ZFHX3: variants seen among roughly 807,000 people sequenced by gnomAD.
ZFHX3 encodes zinc finger homeobox protein 3.
In ZFHX3, 42 loss-of-function variants were observed where a neutral mutation model predicts 279.1. The ratio of observed to expected loss-of-function variants is 0.15; its 90% CI spans 0.12 to 0.19. The LOEUF is 0.19. Among genes scored for constraint, ZFHX3 ranks in the 10% least tolerant of loss-of-function variants. The pLI, the probability that ZFHX3 is intolerant of heterozygous loss-of-function variation, is 1.00. For synonymous variants in ZFHX3, 2,293 were observed against 1,957.8 expected (o/e 1.17, Z -4.52); for missense variants, 4,981 against 4,754.0 (o/e 1.05, Z -1.40).
At position 72,796,492 on chromosome 16, in the gene ZFHX3, T is replaced by C. The variant is rs757925127; in HGVS notation, c.6190A>G (p.Ile2064Val). ...APPQPASTPA[I>V]PASAPPITSP... is the part of the protein sequence containing the mutation. Reference sequence around the variant, plus strand: ...GTGATGGGTGGGGCTGATGCGGGGATGGCTGGTGTGGACGCCGGCTGAGGC... The same window carrying C: ...GTGATGGGTGGGGCTGATGCGGGGACGGCTGGTGTGGACGCCGGCTGAGGC... Residue 2064 changes from isoleucine (I) to valine (V), a missense_variant, in exon 9 of 10, where the codon ATC becomes GTC. Physicochemically the swap from Ile to Val is conservative, Grantham distance 29. Around this residue, in one of 7 missense-constraint regions of ZFHX3, gnomAD observed 1,751 missense variants for 1,770.0 expected, o/e 0.99. Coordinates refer to ENST00000268489, the MANE Select transcript of ZFHX3 (RefSeq NM_006885.4). 10 of 1,288,494 alleles carry C rather than the reference T, an allele frequency of 7.8e-6. No individual in the cohort carries two copies. In the Admixed American group the frequency reaches 1.8e-4, roughly 23 times the overall value. 79.8% of individuals were successfully genotyped at this position (1,288,494 alleles called of 1,614,324 possible).
chr16:73,742,743 T>C (rs2142261584), intron 1 of ZFHX3, among the ~76,000 whole-genome samples: 1 of 152,286 alleles, frequency 6.6e-6, no homozygotes, highest in East Asian at 1.9e-4. Flanking sequence ...AGGGTTCCCC[T>C]TTTTTCTACA....
intron 3 of ZFHX3, among the ~76,000 whole-genome samples, chr16:73,396,994 C>T (rs1270337258): frequency 1.3e-5 from 2 of 152,204 alleles, no homozygotes; most frequent in Non-Finnish European, 2.9e-5. Flanking sequence ...TGGCAATGCC[C>T]CCTGCAGTGT....
intron 1 of ZFHX3, among the ~76,000 whole-genome samples, chr16:73,729,859 T>C (rs1484907211): frequency 6.6e-6 from 1 of 152,194 alleles, no homozygotes; most frequent in Non-Finnish European, 1.5e-5. Flanking sequence ...CTTGCTTCCA[T>C]GTGTAATCTA....
chr16:73,476,091 T>TA (rs1206295589), intron 2 of ZFHX3, among the ~76,000 whole-genome samples: 26 of 152,314 alleles, frequency 1.7e-4, no homozygotes, highest in African/African-American at 5.8e-4. Context: ...TTCTTTCTGT[T>TA]ATAGGGATAA....
At chr16:73,427,360 G>C (rs545447487) in intron 3 of ZFHX3, among the ~76,000 whole-genome samples, 2 of 152,128 alleles carry the variant, frequency 1.3e-5, no homozygotes, top group African/African-American at 4.8e-5. Flanking sequence ...GTGGGGATTT[G>C]CTAGGAGGTG....
intron 4 of ZFHX3, among the ~76,000 whole-genome samples, chr16:73,304,315 G>A (rs1646216093): frequency 6.6e-6 from 1 of 152,160 alleles, no homozygotes. Context: ...CCTTCCTCTG[G>A]GTGACTTTGG....
At chr16:73,703,214 T>A (rs2053268239) in intron 1 of ZFHX3, among the ~76,000 whole-genome samples, 1 of 152,084 alleles carries the variant, frequency 6.6e-6, no homozygotes, top group South Asian at 2.1e-4. Flanking sequence ...TCGTTTAAGA[T>A]GTAATAAATT....
chr16:73,207,054 A>C (rs866436458), intron 5 of ZFHX3, among the ~76,000 whole-genome samples: 4 of 150,768 alleles, frequency 2.7e-5, no homozygotes, highest in Middle Eastern at 3.4e-3. Flanking sequence ...AAATAAATAA[A>C]TAGAACTAAA....
intron 1 of ZFHX3, among the ~76,000 whole-genome samples, chr16:73,710,650 G>A (rs2053351712): frequency 6.6e-6 from 1 of 152,138 alleles, no homozygotes; most frequent in African/African-American, 2.4e-5. Context: ...TGACAAAGGT[G>A]GCTTTCCAGC....
intron 1 of ZFHX3, among the ~76,000 whole-genome samples, chr16:73,001,588 G>A (rs1963500148): frequency 6.6e-6 from 1 of 152,070 alleles, no homozygotes; most frequent in Non-Finnish European, 1.5e-5. Flanking sequence ...TGAAGTGAGA[G>A]GATCACTTCA....
At chr16:73,666,553 T>C (rs2052844338) in intron 2 of ZFHX3, among the ~76,000 whole-genome samples, 3 of 152,124 alleles carry the variant, frequency 2.0e-5, no homozygotes, top group Middle Eastern at 3.4e-3. Context: ...ACAGGAAATG[T>C]GAGGACATCA....
chr16:72,856,380 G>A (rs1053184963), intron 4 of ZFHX3, among the ~76,000 whole-genome samples: 1 of 152,228 alleles, frequency 6.6e-6, no homozygotes, highest in African/African-American at 2.4e-5. Context: ...GGGGGCTCAC[G>A]AGGCTTCCGG....
At chr16:73,756,276 G>A (rs1190276495) in intron 1 of ZFHX3, among the ~76,000 whole-genome samples, 5 of 152,148 alleles carry the variant, frequency 3.3e-5, no homozygotes, top group African/African-American at 7.2e-5. Context: ...AGTGGAAACC[G>A]TTTTTGTTGG....
intron 7 of ZFHX3, among the ~76,000 whole-genome samples, chr16:72,810,311 T>C (rs954372824): frequency 3.9e-5 from 6 of 152,042 alleles, no homozygotes; most frequent in African/African-American, 1.4e-4. Flanking sequence ...TCAGCCTCCT[T>C]AGTAGCTGGG....
intron 4 of ZFHX3, among the ~76,000 whole-genome samples, chr16:73,297,038 C>T (rs755303628): frequency 8.6e-5 from 13 of 151,634 alleles, no homozygotes; most frequent in African/African-American, 1.5e-4. Context: ...CCACCCTGCC[C>T]GGCTAATTTT....
At chr16:73,596,576 G>C (rs2052053006) in intron 2 of ZFHX3, among the ~76,000 whole-genome samples, 1 of 151,936 alleles carries the variant, frequency 6.6e-6, no homozygotes. Context: ...TGTTGCCCAG[G>C]GCAACATTAG....
At chr16:72,828,135 G>A (rs2036977340) in intron 5 of ZFHX3, among the ~76,000 whole-genome samples, 2 of 152,062 alleles carry the variant, frequency 1.3e-5, no homozygotes, top group Non-Finnish European at 2.9e-5. Context: ...GTCCAACACC[G>A]AACATGATTT....
chr16:72,989,969 G>T (rs895720310), intron 1 of ZFHX3, among the ~76,000 whole-genome samples: 1 of 152,200 alleles, frequency 6.6e-6, no homozygotes, highest in Non-Finnish European at 1.5e-5. Flanking sequence ...GAGTCAGGAG[G>T]CCCAGACCTT....
intron 3 of ZFHX3, among the ~76,000 whole-genome samples, chr16:73,373,686 A>G (rs1489857716): frequency 6.6e-6 from 1 of 152,214 alleles, no homozygotes; most frequent in East Asian, 1.9e-4. Context: ...ACATGATAAA[A>G]ATTATCCTTC....
Sources: allele counts gnomAD v4.1 joint callset (sites outside exome capture counted in the v4.1 genomes callset), GRCh38; gene constraint gnomAD v4.1.1; regional missense constraint gnomAD v4.1.1; transcripts MANE v1.5; gene names NCBI Gene and HGNC (gene_info 2026-07-23, HGNC 2026-07-21).